PHF2: variants seen among roughly 807,000 people sequenced by gnomAD.
PHF2 encodes the protein lysine-specific demethylase PHF2.
PHF2 carries 27 observed loss-of-function variants against 120.5 expected under a neutral mutation model. That is an observed-to-expected ratio of 0.22 (90% CI 0.17 to 0.31). The LOEUF (loss-of-function observed/expected upper bound fraction) is 0.31, where lower values mean the gene tolerates loss of function less well. Among genes scored for constraint, PHF2 ranks in the 10% least tolerant of loss-of-function variants. PHF2 has a pLI of 1.00. For synonymous variants in PHF2, 568 were observed against 592.5 expected (o/e 0.96, Z 0.60); for missense variants, 1,024 against 1,434.8 (o/e 0.71, Z 4.63).
At chr9:93,671,028 G>C in intron 17 of PHF2, 2 of 984,784 alleles carry the variant, frequency 2.0e-6, no homozygotes, top group Non-Finnish European at 2.4e-6. Flanking sequence ...TGTTCAGGTG[G>C]GTGCAGGTGT....
At chr9:93,644,661 G>T (rs191356157) in intron 3 of PHF2, among the ~76,000 whole-genome samples, 2 of 152,118 alleles carry the variant, frequency 1.3e-5, no homozygotes, top group Non-Finnish European at 2.9e-5. Context: ...TGTCCCCAGG[G>T]TCACCAAACA....
At chr9:93,577,291 C>G (rs1462130943) in intron 1 of PHF2, among the ~76,000 whole-genome samples, 1 of 151,686 alleles carries the variant, frequency 6.6e-6, no homozygotes, top group African/African-American at 2.4e-5. Context: ...CAGGAACTTT[C>G]CCCGCGCGGG....
At chr9:93,592,429 A>G (rs1374686879) in intron 1 of PHF2, among the ~76,000 whole-genome samples, 1 of 152,134 alleles carries the variant, frequency 6.6e-6, no homozygotes, top group Admixed American at 6.5e-5. Context: ...GATTTAAGCC[A>G]TAGGTTCTTG....
rs1171243513 is a variant in PHF2 at position 93,665,790 on chromosome 9, C to T, written c.2042C>T (p.Ser681Leu). The T allele has an allele frequency of 6.2e-7, 1 of 1,610,976 alleles. No individual in the cohort carries two copies. Among genetic ancestry groups the T allele is most frequent in the Non-Finnish European group, 8.5e-7 (1 of 1,178,482 alleles). ...GTGCGGGATGAGTATGAGTACGTGT[C>T]GGATGACGGTGAGCTCAAGATCGAC... ...KPVRDEYEYV[S>L]DDGELKIDEF... Residue 681 changes from serine to leucine, a missense_variant, in exon 15 of 22, where the codon TCG becomes TTG. By Grantham distance (145) the Ser-to-Leu change is moderately radical. Around this residue, in one of 2 missense-constraint regions of PHF2, gnomAD observed 677 missense variants for 857.4 expected, o/e 0.79. Transcript: ENST00000359246.
At chr9:93,660,093 C>G (rs1168849956) in intron 11 of PHF2, 99 bp from the exon 12 acceptor site, 3 of 1,402,756 alleles carry the variant, frequency 2.1e-6, no homozygotes, top group Non-Finnish European at 2.8e-6. Flanking sequence ...AGTTCCCCGC[C>G]AGCCTGGCAC....
In PHF2 at chr9:93,610,594, T is replaced by C. The variant is rs542406748; in HGVS notation, c.99-19376T>C. Among the ~76,000 whole-genome samples the C allele has an allele frequency of 6.2e-4, 94 of 152,348 alleles. 1 individual carries two copies. Among genetic ancestry groups the C allele is most frequent in the Non-Finnish European group, 1.1e-3 (76 of 68,024 alleles). ...TCTGGGTCTAGTTCTCATGTTTGCT[T>C]TGTCTTTTCAGACTGTGTAGGTTGT... On this transcript the variant is annotated intron_variant, in intron 1 of 21. Transcript: ENST00000359246.
At chr9:93,672,060 G>T (rs575582927) in intron 17 of PHF2, among the ~76,000 whole-genome samples, 1 of 131,456 alleles carries the variant, frequency 7.6e-6, no homozygotes, top group African/African-American at 2.9e-5. Flanking sequence ...GTGGGTGTGG[G>T]AGTAGGTACA....
chr9:93,652,086 G>A (rs930057325), intron 5 of PHF2, among the ~76,000 whole-genome samples: 6 of 152,098 alleles, frequency 3.9e-5, no homozygotes, highest in Non-Finnish European at 7.4e-5. Flanking sequence ...GGATTGGGGC[G>A]GCAGGACTCT....
chr9:93,585,462 G>A (rs1188184447), intron 1 of PHF2, among the ~76,000 whole-genome samples: 2 of 152,252 alleles, frequency 1.3e-5, no homozygotes, highest in Non-Finnish European at 2.9e-5. Flanking sequence ...CAGCCGCTCT[G>A]TGTGGGCAGC....
rs773065455 is a variant in PHF2, at chr9:93,665,962, G to A, written c.2117-28G>A. 10 of 1,612,786 alleles carry A rather than the reference G, an allele frequency of 6.2e-6. No individual in the cohort carries two copies. The South Asian group carries it at 6.6e-5, about 11-fold the overall frequency. On this transcript the variant is annotated intron_variant, in intron 15 of 21. Transcript: ENST00000359246. The stretch of plus-strand genomic sequence containing the variant: ...TGGCTGGCTCCCCGCAAGGCCTCCC[G>A]CTGGACTGCCATCTGCTGTGCTTTC...
At chr9:93,611,229 G>A (rs1245839394) in intron 1 of PHF2, among the ~76,000 whole-genome samples, 20 of 152,010 alleles carry the variant, frequency 1.3e-4, no homozygotes, top group Admixed American at 8.5e-4. Flanking sequence ...CAGCCTGACC[G>A]ACATGGTGAA....
chr9:93,600,016 C>A (rs1825410942), intron 1 of PHF2, among the ~76,000 whole-genome samples: 1 of 152,198 alleles, frequency 6.6e-6, no homozygotes, highest in South Asian at 2.1e-4. Context: ...CAGCTCCATG[C>A]AGCCTGCGTG....
chr9:93,676,687 A>T lies in PHF2; in HGVS notation c.2926A>T (p.Thr976Ser). The change falls in exon 21 of 22, where the codon ACC (threonine) becomes TCC (serine). Residue 976 changes from threonine to serine, a missense_variant. Transcript: ENST00000359246. ...PSTSTSISAG[T>S]TSTSTTPAST... is the part of the protein sequence containing the mutation. ...CACCTCCACCTCCATCTCTGCCGGC[A>T]CCACCTCCACCTCCACCACGCCAGC... 6.4e-7 allele frequency: 1 copy of T among 1,570,452 alleles called. No individual in the cohort carries two copies. Among genetic ancestry groups the T allele is most frequent in the Non-Finnish European group, 8.6e-7 (1 of 1,157,918 alleles).
At chr9:93,600,545 A>T (rs1285840390) in intron 1 of PHF2, among the ~76,000 whole-genome samples, 1 of 152,176 alleles carries the variant, frequency 6.6e-6, no homozygotes. Flanking sequence ...CTGCTCAGCC[A>T]CCTCAGGTGT....
At chr9:93,666,327 A>G (rs1826680502) in intron 16 of PHF2, among the ~76,000 whole-genome samples, 1 of 151,598 alleles carries the variant, frequency 6.6e-6, no homozygotes, top group African/African-American at 2.4e-5. Flanking sequence ...TAGTGTATTA[A>G]CTGCTTTCCT....
intron 3 of PHF2, among the ~76,000 whole-genome samples, chr9:93,641,644 T>A (rs1338876902): frequency 3.9e-5 from 6 of 152,246 alleles, no homozygotes; most frequent in Admixed American, 3.9e-4. Flanking sequence ...TTCATTGGGT[T>A]ATCTGTTGTT....
intron 2 of PHF2, among the ~76,000 whole-genome samples, chr9:93,634,345 CT>C (rs928763370): frequency 8.5e-5 from 13 of 152,098 alleles, no homozygotes; most frequent in African/African-American, 1.4e-4. Flanking sequence ...CTGGGGGTGT[CT>C]TTTTTCCAAC....
At chr9:93,649,016 A>G in intron 4 of PHF2, 55 bp from the exon 5 acceptor site, 1 of 1,544,234 alleles carries the variant, frequency 6.5e-7, no homozygotes. Context: ...TCCTGGCCTC[A>G]GGGAGGCTGT....
intron 3 of PHF2, among the ~76,000 whole-genome samples, chr9:93,642,037 G>A (rs1279058188): frequency 6.6e-6 from 1 of 152,196 alleles, no homozygotes; most frequent in African/African-American, 2.4e-5. Flanking sequence ...TGAAAAGACT[G>A]GCCTCTCCCC....
Sources: allele counts gnomAD v4.1 joint callset (sites outside exome capture counted in the v4.1 genomes callset), GRCh38; gene constraint gnomAD v4.1.1; regional missense constraint gnomAD v4.1.1; transcripts MANE v1.5; gene names NCBI Gene and HGNC (gene_info 2026-07-23, HGNC 2026-07-21).